The following ANGPTL7 variants were observed in gnomAD, a reference collection of about 807,000 sequenced individuals.
The protein encoded by ANGPTL7 is angiopoietin-related protein 7.
ANGPTL7 carries 37 observed loss-of-function variants against 38.8 expected under a neutral mutation model. The ratio of observed to expected loss-of-function variants is 0.95; its 90% CI spans 0.73 to 1.25. The LOEUF (loss-of-function observed/expected upper bound fraction) is 1.25, where lower values mean the gene tolerates loss of function less well. Ranked by LOEUF, ANGPTL7 falls within the 50% of genes most tolerant of loss-of-function variation. The pLI is 0.00. For synonymous variants in ANGPTL7, 166 were observed against 163.2 expected, an observed-to-expected ratio of 1.02 and a Z score of -0.13; for missense variants, 427 against 438.6, an observed-to-expected ratio of 0.97 and a Z score of 0.24.
chr1:11,194,899 T>C lies in ANGPTL7; in HGVS notation c.917T>C (p.Val306Ala). Reference protein sequence around the residue: ...NCCTDSNLNGVYYRLGEHNKH... With the variant: ...NCCTDSNLNGAYYRLGEHNKH... The stretch of plus-strand genomic sequence containing the variant: ...TGCACAGACTCCAACCTCAATGGAG[T>C]GTACTACCGCCTGGGTGAGCACAAT... The change falls in exon 5 of 5, where the codon GTG becomes GCG. Residue 306 changes from valine (V) to alanine (A), a missense_variant. By Grantham distance (64) the Val-to-Ala change is moderately conservative. Transcript: ENST00000376819. The C allele has an allele frequency of 6.2e-7, 1 of 1,613,998 alleles. No individual in the cohort carries two copies. Among genetic ancestry groups the C allele is most frequent in the Non-Finnish European group, 8.5e-7 (1 of 1,179,986 alleles).
chr1:11,194,447 G>C lies in ANGPTL7; in HGVS notation c.673-14G>C. On this transcript the variant is annotated splice_polypyrimidine_tract_variant and intron_variant, in intron 3 of 4. Transcript: ENST00000376819. ...CCTGCTGCACTTTCTTTAAGGCTCT[G>C]CTCCTCCTGACAGGACTGGGAGGGC... 1.2e-6 allele frequency: 2 copies of C among 1,613,332 alleles called. No individual in the cohort carries two copies. The highest frequency in any genetic ancestry group is 2.2e-5 in the South Asian group (2 of 91,054).
At chr1:11,193,809 A>G in intron 3 of ANGPTL7, 35 bp downstream of exon 3, 1 of 1,609,102 alleles carries the variant, frequency 6.2e-7, no homozygotes, top group South Asian at 1.1e-5. Context: ...TGACTGGACC[A>G]GTGCCACCAC....
chr1:11,192,560 A>C (rs1427843621), intron 2 of ANGPTL7, among the ~76,000 whole-genome samples, 190 bp downstream of exon 2: 2 of 152,120 alleles, frequency 1.3e-5, no homozygotes, highest in Non-Finnish European at 2.9e-5. Flanking sequence ...GTTTAAGACC[A>C]GCCTGGCCAA....
intron 2 of ANGPTL7, 118 bp downstream of exon 2, chr1:11,192,488 G>C: frequency 1.2e-6 from 1 of 808,400 alleles, no homozygotes; most frequent in South Asian, 1.6e-5. Context: ...GGGCGCAGTG[G>C]CTCACACCTG....
Position 11,194,984 on chromosome 1 carries a change from G to A in ANGPTL7, c.1002G>A (p.Arg334=). ...ATGGATCTACCTACTCCCTCAAACG[G>A]GTGGAGATGAAAATCCGCCCAGAAG... ...GWHGSTYSLK[R]VEMKIRPEDF... is the part of the protein sequence containing the mutation. The change falls in exon 5 of 5, where the codon CGG becomes CGA. Residue 334 remains arginine (R), a synonymous_variant. Coordinates refer to ENST00000376819, the MANE Select transcript of ANGPTL7 (RefSeq NM_021146.4). The A allele has an allele frequency of 6.2e-7, 1 of 1,614,010 alleles. No individual in the cohort carries two copies. Among genetic ancestry groups the A allele is most frequent in the South Asian group, 1.1e-5 (1 of 91,066 alleles).
chr1:11,194,968 C>A lies in ANGPTL7; in HGVS notation c.986C>A (p.Thr329Asn), dbSNP rs371259077. 6.2e-7 allele frequency: 1 copy of A among 1,614,088 alleles called. No homozygotes were observed. Among genetic ancestry groups the A allele is most frequent in the East Asian group, 2.2e-5 (1 of 44,880 alleles). Residue 329 changes from threonine (T) to asparagine (N), a missense_variant, in exon 5 of 5, where the codon ACC (threonine) becomes AAC (asparagine). Transcript: ENST00000376819. Reference sequence around the variant, plus strand: ...ACCTGGTATGGCTGGCATGGATCTACCTACTCCCTCAAACGGGTGGAGATG... The same window carrying A: ...ACCTGGTATGGCTGGCATGGATCTAACTACTCCCTCAAACGGGTGGAGATG... The part of the protein sequence containing the change: ...GITWYGWHGS[T>N]YSLKRVEMKI...
Position 11,194,441 on chromosome 1 carries a change from G to C in ANGPTL7, c.673-20G>C. On this transcript the variant is annotated intron_variant, in intron 3 of 4. Transcript: ENST00000376819. ...ATGGAGCCTGCTGCACTTTCTTTAA[G>C]GCTCTGCTCCTCCTGACAGGACTGG... is the stretch of plus-strand genomic sequence containing the variant. The C allele has an allele frequency of 6.2e-7, 1 of 1,612,930 alleles. No individual in the cohort carries two copies. Among genetic ancestry groups the C allele is most frequent in the Non-Finnish European group, 8.5e-7 (1 of 1,179,684 alleles).
chr1:11,193,528 TCCTGCCTTCTGCC>T, intron 2 of ANGPTL7, 39 bp from the exon 3 acceptor site: 1 of 1,518,808 alleles, frequency 6.6e-7, no homozygotes, highest in Non-Finnish European at 8.9e-7. Context: ...GCCCTCTTGC[TCCTGCCTTCTGCC>T]CCTGCAAGTC....
intron 2 of ANGPTL7, among the ~76,000 whole-genome samples, chr1:11,193,088 G>A (rs896216647): frequency 6.6e-6 from 1 of 151,874 alleles, no homozygotes; most frequent in African/African-American, 2.4e-5. Context: ...TGAGGTGGGC[G>A]GAACAATCAC....
chr1:11,194,326 C>T, intron 3 of ANGPTL7, 135 bp from the exon 4 acceptor site: 1 of 833,652 alleles, frequency 1.2e-6, no homozygotes, highest in South Asian at 1.7e-5. Flanking sequence ...TGGAGGTAAA[C>T]AAGTAATAAA....
intron 1 of ANGPTL7, among the ~76,000 whole-genome samples, chr1:11,191,751 A>G (rs1645541030): frequency 6.6e-6 from 1 of 152,194 alleles, no homozygotes; most frequent in Non-Finnish European, 1.5e-5. Context: ...AGGGGAAAAT[A>G]TGTGATAATA....
At position 11,195,364 on chromosome 1, in the gene ANGPTL7, A is replaced by AT. The variant is rs984929941; in HGVS notation, c.*345dup. 1 of 216,140 alleles carries AT rather than the reference A, an allele frequency of 4.6e-6. No individual in the cohort carries two copies. Among genetic ancestry groups the AT allele is most frequent in the Non-Finnish European group, 9.2e-6 (1 of 108,226 alleles). 13.4% of individuals were successfully genotyped at this position (216,140 alleles called of 1,614,324 possible). A position where few individuals can be genotyped will look rare whatever the true frequency, so the allele number is the denominator to read the frequency against. ...AAATAATTTTGAGATCGTTTTATCT[A>AT]TTTTCTCTACGGCTTAGGCTATGTG... On this transcript the variant is annotated 3_prime_UTR_variant, in exon 5 of 5. Coordinates refer to ENST00000376819, the MANE Select transcript of ANGPTL7 (RefSeq NM_021146.4).
Position 11,189,584 on chromosome 1 carries a change from T to G in ANGPTL7, c.5T>G (p.Leu2Arg). The G allele has an allele frequency of 6.3e-7, 1 of 1,597,000 alleles. No individual in the cohort carries two copies. Among genetic ancestry groups the G allele is most frequent in the Admixed American group, 1.8e-5 (1 of 57,122 alleles). Residue 2 changes from leucine to arginine, a missense_variant, in exon 1 of 5, where the codon CTG becomes CGG. Physicochemically the swap from Leu to Arg is moderately radical, Grantham distance 102. Transcript: ENST00000376819. ...CCTCACCCAAACCCACAAAAGATGCTGAAAAAGCCTCTCTCAGCTGTGACC... is the reference window on the plus strand; with the variant it reads ...CCTCACCCAAACCCACAAAAGATGCGGAAAAAGCCTCTCTCAGCTGTGACC... Reference protein sequence around the residue: MLKKPLSAVTWL... With the variant: MRKKPLSAVTWL...
At position 11,194,582 on chromosome 1, in the gene ANGPTL7, A is replaced by T; in HGVS notation, c.794A>T (p.Tyr265Phe). Residue 265 changes from tyrosine to phenylalanine, a missense_variant, in exon 4 of 5, where the codon TAT (tyrosine) becomes TTT (phenylalanine). Transcript: ENST00000376819. ...TGNVGNDALQ[Y>F]HNNTAFSTKD... ...AATGTGGGGAACGACGCCCTCCAGT[A>T]TCATAACAACACAGCCTTCAGCACC... The T allele has an allele frequency of 6.2e-7, 1 of 1,614,218 alleles. No homozygotes were observed. The highest frequency in any genetic ancestry group is 1.1e-5 in the South Asian group (1 of 91,086).
rs182647808 is a variant in ANGPTL7 at position 11,194,641 on chromosome 1, T to G, written c.853T>G (p.Cys285Gly). Residue 285 changes from cysteine (C) to glycine (G), a missense_variant, in exon 4 of 5, where the codon TGT becomes GGT. By Grantham distance (159) the Cys-to-Gly change is radical. Transcript: ENST00000376819. The part of the protein sequence containing the change: ...DKDNDNCLDK[C>G]AQLRKGGYWY... ...GGACAATGACAACTGCTTGGACAAGTGTGCACAGCTCCGCAAAGGTGAGAT... is the reference window on the plus strand; with the variant it reads ...GGACAATGACAACTGCTTGGACAAGGGTGCACAGCTCCGCAAAGGTGAGAT... 1 of 1,614,116 alleles carries G rather than the reference T, an allele frequency of 6.2e-7. No individual in the cohort carries two copies. Among genetic ancestry groups the G allele is most frequent in the East Asian group, 2.2e-5 (1 of 44,882 alleles).
chr1:11,191,552 G>A (rs1045392311), intron 1 of ANGPTL7, among the ~76,000 whole-genome samples: 1 of 152,040 alleles, frequency 6.6e-6, no homozygotes, highest in Non-Finnish European at 1.5e-5. Context: ...ATCAGAAAAG[G>A]CTGTCTCTTC....
chr1:11,194,658 A>G lies in ANGPTL7; in HGVS notation c.870A>G (p.Lys290=). 4 of 1,614,190 alleles carry G rather than the reference A, an allele frequency of 2.5e-6. No homozygotes were observed. The highest frequency in any genetic ancestry group is 3.4e-6 in the Non-Finnish European group (4 of 1,180,026). ...TGGACAAGTGTGCACAGCTCCGCAA[A>G]GGTGAGATTTGGGGGGACCGGAAAG... ...NCLDKCAQLR[K]GGYWYNCCTD... Residue 290 remains lysine, a splice_region_variant and synonymous_variant, in exon 4 of 5, where the codon AAA becomes AAG. Transcript: ENST00000376819.
rs569700322 is a variant in ANGPTL7 at position 11,189,492 on chromosome 1, A to G, written c.-88A>G. 1.4e-5 allele frequency: 20 copies of G among 1,451,284 alleles called. No homozygotes were observed. The highest frequency in any genetic ancestry group is 1.8e-5 in the Non-Finnish European group (20 of 1,083,046). The allele number at this position is 1,451,284 out of a possible 1,614,324, so 89.9% of individuals were successfully genotyped here. On this transcript the variant is annotated 5_prime_UTR_variant, in exon 1 of 5. Transcript: ENST00000376819. ...CCCTCAGAGTGAAAGCGTAAGGTTCAGTCAGCCTGCTGCAGCTTTGCAGAC... is the reference window on the plus strand; with the variant it reads ...CCCTCAGAGTGAAAGCGTAAGGTTCGGTCAGCCTGCTGCAGCTTTGCAGAC...
chr1:11,194,978 C>G lies in ANGPTL7; in HGVS notation c.996C>G (p.Leu332=). 1 of 1,614,082 alleles carries G rather than the reference C, an allele frequency of 6.2e-7. No individual in the cohort carries two copies. Among genetic ancestry groups the G allele is most frequent in the Non-Finnish European group, 8.5e-7 (1 of 1,180,028 alleles). Residue 332 remains leucine, a synonymous_variant, in exon 5 of 5, where the codon CTC becomes CTG. Coordinates refer to ENST00000376819, the MANE Select transcript of ANGPTL7 (RefSeq NM_021146.4). ...GCTGGCATGGATCTACCTACTCCCT[C>G]AAACGGGTGGAGATGAAAATCCGCC... ...WYGWHGSTYS[L]KRVEMKIRPE...
Sources: allele counts gnomAD v4.1 joint callset (sites outside exome capture counted in the v4.1 genomes callset), GRCh38; gene constraint gnomAD v4.1.1; transcripts MANE v1.5; gene names NCBI Gene and HGNC (gene_info 2026-07-23, HGNC 2026-07-21).